The following STK10 variants were observed in gnomAD, a reference collection of about 807,000 sequenced individuals.
The protein encoded by STK10 is serine/threonine-protein kinase 10.
In STK10, 78 loss-of-function variants were observed where a neutral mutation model predicts 113.8. That is an observed-to-expected ratio of 0.69 (90% confidence interval 0.57 to 0.83). STK10 has a LOEUF of 0.83. Ranked by LOEUF, STK10 falls within the 40% of genes least tolerant of loss-of-function variation. The pLI, the probability that STK10 is intolerant of heterozygous loss-of-function variation, is 0.00. For missense variants in STK10, 1,109 were observed against 1,280.1 expected, an observed-to-expected ratio of 0.87 and a Z score of 2.04; for synonymous variants, 465 against 494.7, an observed-to-expected ratio of 0.94 and a Z score of 0.80.
chr5:172,167,029 G>A lies in STK10; in HGVS notation c.157-10241C>T, dbSNP rs560073510. Among the ~76,000 whole-genome samples the A allele has an allele frequency of 2.6e-5, 4 of 152,018 alleles. No individual in the cohort carries two copies. The East Asian group carries it at 5.8e-4, about 22-fold the overall frequency. ...ACAAAAATTAGCCAGGCAAGATGGC[G>A]CGCACCTGTAGTCCCAGCTACTCGG... is the stretch of plus-strand genomic sequence containing the variant. On this transcript the variant is annotated intron_variant, in intron 1 of 18. Coordinates refer to ENST00000176763, the MANE Select transcript of STK10 (RefSeq NM_005990.4).
intron 18 of STK10, among the ~76,000 whole-genome samples, chr5:172,046,468 C>A (rs920141693): frequency 2.6e-5 from 4 of 152,052 alleles, no homozygotes; most frequent in Admixed American, 1.3e-4. Flanking sequence ...TCTAGGAATA[C>A]CAACAATTTA....
intron 1 of STK10, among the ~76,000 whole-genome samples, chr5:172,159,948 C>T (rs1196287383): frequency 6.6e-6 from 1 of 151,146 alleles, no homozygotes; most frequent in Admixed American, 6.6e-5. Context: ...CCATCCTGAC[C>T]AACATGGTGA....
At chr5:172,097,948 G>C (rs1420430858) in intron 7 of STK10, among the ~76,000 whole-genome samples, 1 of 152,180 alleles carries the variant, frequency 6.6e-6, no homozygotes, top group Non-Finnish European at 1.5e-5. Context: ...GTATAGCCAG[G>C]GATGTGGGAT....
At chr5:172,126,112 C>T (rs1293226155) in intron 3 of STK10, among the ~76,000 whole-genome samples, 1 of 152,166 alleles carries the variant, frequency 6.6e-6, no homozygotes, top group Non-Finnish European at 1.5e-5. Flanking sequence ...ACTCAACCTT[C>T]CAGGCCTCTC....
chr5:172,134,659 A>G (rs1028739551), intron 2 of STK10, among the ~76,000 whole-genome samples: 5 of 151,084 alleles, frequency 3.3e-5, no homozygotes, highest in African/African-American at 4.9e-5. Context: ...CTGTAATCTC[A>G]GCATTCTGGG....
In STK10 at chr5:172,042,739, C is replaced by G. The variant is rs1287974152; in HGVS notation, c.*2143G>C. 1 of 152,178 alleles carries G rather than the reference C, an allele frequency of 6.6e-6. No homozygotes were observed. Among genetic ancestry groups the G allele is most frequent in the East Asian group, 1.9e-4 (1 of 5,192 alleles). 9.4% of individuals were successfully genotyped at this position (152,178 alleles called of 1,614,324 possible). A position where few individuals can be genotyped will look rare whatever the true frequency, so the allele number is the denominator to read the frequency against. ...TTCGCTTGTCTCATTTGTGAGAGAC[C>G]TAAAAAACACCCCCATCTGGGTCAA... is the stretch of plus-strand genomic sequence containing the variant. On this transcript the variant is annotated 3_prime_UTR_variant, in exon 19 of 19. Transcript: ENST00000176763.
At chr5:172,117,908 G>A (rs1024838625) in intron 3 of STK10, among the ~76,000 whole-genome samples, 2 of 151,362 alleles carry the variant, frequency 1.3e-5, no homozygotes, top group African/African-American at 2.4e-5. Flanking sequence ...AGCTACTCAG[G>A]AGGTTGAGGC....
intron 2 of STK10, among the ~76,000 whole-genome samples, chr5:172,144,061 G>A (rs932205589): frequency 4.1e-4 from 62 of 152,352 alleles, no homozygotes; most frequent in African/African-American, 1.3e-3. Context: ...GTGGCATGGC[G>A]CTAAGTGTTT....
intron 1 of STK10, among the ~76,000 whole-genome samples, chr5:172,162,345 A>C (rs1333075708): frequency 6.6e-6 from 1 of 152,102 alleles, no homozygotes; most frequent in Non-Finnish European, 1.5e-5. Flanking sequence ...CTCAAAAAAT[A>C]AATAAATAAA....
rs557005804 is a variant in STK10, at chr5:172,068,511, T to A, written c.1990-3699A>T. 3.9e-5 allele frequency among the ~76,000 whole-genome samples: 6 copies of A among 152,266 alleles called. No homozygotes were observed. In the East Asian group the frequency reaches 9.6e-4, roughly 24 times the overall value. Reference sequence around the variant, plus strand: ...AAGTGAGCTGAGAAGAAAACTTGTATCTTCAGTAAAAAAGAAAGAGTGACA... The same window carrying A: ...AAGTGAGCTGAGAAGAAAACTTGTAACTTCAGTAAAAAAGAAAGAGTGACA... On this transcript the variant is annotated intron_variant, in intron 12 of 18. Transcript: ENST00000176763.
chr5:172,081,481 A>G (rs574574917), intron 12 of STK10, among the ~76,000 whole-genome samples: 2 of 152,208 alleles, frequency 1.3e-5, no homozygotes, highest in African/African-American at 4.8e-5. Flanking sequence ...GCTTTATTGC[A>G]GTATTCGCTT....
At chr5:172,049,492 T>C (rs773395609) in intron 18 of STK10, among the ~76,000 whole-genome samples, 2 of 149,076 alleles carry the variant, frequency 1.3e-5, no homozygotes, top group African/African-American at 2.4e-5. Context: ...CATGGAGATC[T>C]ATTTGGGTAC....
At chr5:172,064,285 T>C (rs1042705021) in intron 13 of STK10, 1 of 171,542 alleles carries the variant, frequency 5.8e-6, no homozygotes, top group Non-Finnish European at 1.3e-5. Flanking sequence ...TCAGGAATGA[T>C]GGGCCAGAAA....
At chr5:172,184,642 A>C (rs2113847755) in intron 1 of STK10, among the ~76,000 whole-genome samples, 1 of 152,008 alleles carries the variant, frequency 6.6e-6, no homozygotes, top group East Asian at 1.9e-4. Context: ...AATTAAAGTC[A>C]CTTTTTGTTT....
At chr5:172,177,172 T>A (rs1195505053) in intron 1 of STK10, among the ~76,000 whole-genome samples, 161 of 140,880 alleles carry the variant, frequency 1.1e-3, no homozygotes, top group African/African-American at 4.2e-3. Context: ...GTGCAGTCTT[T>A]AAAAAAAAAA....
chr5:172,131,998 C>T lies in STK10; in HGVS notation c.322-4577G>A, dbSNP rs534330251. On this transcript the variant is annotated intron_variant, in intron 2 of 18. Coordinates refer to ENST00000176763, the MANE Select transcript of STK10 (RefSeq NM_005990.4). Reference sequence around the variant, plus strand: ...GCCCTCTTGCTCTTTCCACCTTCCACGATGGCAAGAAGGCCCTCGCCAGAT... The same window carrying T: ...GCCCTCTTGCTCTTTCCACCTTCCATGATGGCAAGAAGGCCCTCGCCAGAT... 1.1e-4 allele frequency among the ~76,000 whole-genome samples: 16 copies of T among 152,292 alleles called. No homozygotes were observed. The East Asian group carries it at 1.9e-3, about 18-fold the overall frequency.
chr5:172,057,267 G>A, intron 15 of STK10, 82 bp downstream of exon 15: 3 of 1,530,250 alleles, frequency 2.0e-6, no homozygotes, highest in South Asian at 2.4e-5. Context: ...GCACCCAAGA[G>A]GTGCCCCATC....
chr5:172,111,584 G>A (rs1230356649), intron 4 of STK10, among the ~76,000 whole-genome samples: 1 of 152,224 alleles, frequency 6.6e-6, no homozygotes, highest in Non-Finnish European at 1.5e-5. Context: ...TCCCTTGATA[G>A]CTGATGGCTG....
intron 12 of STK10, among the ~76,000 whole-genome samples, chr5:172,072,032 A>G (rs1201216708): frequency 6.6e-6 from 1 of 152,204 alleles, no homozygotes; most frequent in Admixed American, 6.6e-5. Flanking sequence ...AATTGAGTCC[A>G]GTAATATATA....
Sources: gnomAD v4.1 joint callset for allele counts (sites outside exome capture counted in the v4.1 genomes callset) on GRCh38, gnomAD v4.1.1 for gene constraint, MANE v1.5 for transcripts, NCBI Gene and HGNC (gene_info 2026-07-23, HGNC 2026-07-21) for gene names.